PCDHGA4: variants seen among roughly 807,000 people sequenced by gnomAD.
PCDHGA4 encodes protocadherin gamma subfamily A, 4.
In PCDHGA4, 38 loss-of-function variants were observed where a neutral mutation model predicts 54.6. The observed-to-expected ratio is 0.70, with a 90% CI of 0.54 to 0.91. PCDHGA4 has a LOEUF of 0.91. Among genes scored for constraint, PCDHGA4 ranks in the 40% least tolerant of loss-of-function variants. The pLI is 0.00. For missense variants in PCDHGA4, 1,298 were observed against 1,220.9 expected, an observed-to-expected ratio of 1.06 and a Z score of -0.94; for synonymous variants, 511 against 512.9, an observed-to-expected ratio of 1.00 and a Z score of 0.05.
chr5:141,422,809 G>A (rs1169197801), intron 1 of PCDHGA4: 8 of 1,614,232 alleles, frequency 5.0e-6, no homozygotes, highest in Non-Finnish European at 6.8e-6. Context: ...GCAGTTTCGA[G>A]ACTTAGAACT....
At chr5:141,415,688 T>C (rs373105795) in intron 1 of PCDHGA4, 1 of 1,546,006 alleles carries the variant, frequency 6.5e-7, no homozygotes, top group Admixed American at 2.0e-5. Context: ...GGCATGATGG[T>C]GGAAAGTGTA....
At chr5:141,421,206 G>A in intron 1 of PCDHGA4, 1 of 1,531,730 alleles carries the variant, frequency 6.5e-7, no homozygotes, top group Non-Finnish European at 8.8e-7. Context: ...AGAAACCGCG[G>A]AATATCGGCT....
chr5:141,389,045 T>C, intron 1 of PCDHGA4: 3 of 1,613,920 alleles, frequency 1.9e-6, no homozygotes, highest in Non-Finnish European at 2.5e-6. Flanking sequence ...TGGAAGGTGA[T>C]GTTCCATTTA....
At chr5:141,495,419 C>A (rs1434107823) in intron 2 of PCDHGA4, among the ~76,000 whole-genome samples, 1 of 152,228 alleles carries the variant, frequency 6.6e-6, no homozygotes, top group Non-Finnish European at 1.5e-5. Context: ...CCGGCCCCTC[C>A]TCCCACTGTC....
At chr5:141,421,371 T>C in intron 1 of PCDHGA4, 2 of 1,614,028 alleles carry the variant, frequency 1.2e-6, no homozygotes, top group Non-Finnish European at 1.7e-6. Flanking sequence ...TCGTGGGCAA[T>C]ATCTCCAAGG....
At position 141,485,398 on chromosome 5, in the gene PCDHGA4, C is replaced by T. The variant is rs906016330; in HGVS notation, c.2515-9409C>T. The T allele has an allele frequency of 1.3e-5, 21 of 1,614,044 alleles. No individual in the cohort carries two copies. The highest frequency in any genetic ancestry group is 1.8e-5 in the Non-Finnish European group (21 of 1,179,928). On this transcript the variant is annotated intron_variant, in intron 1 of 3. Coordinates refer to ENST00000571252, the MANE Select transcript of PCDHGA4 (RefSeq NM_018917.4). This position sits in a 1 kb window ranked among gnomAD's most constrained non-coding sequence, Gnocchi z 5.7. ...CTGGAGAGGTGAACCAAAGACACTT[C>T]CGTGTGGATTTGGACAGCGGAGCCC...
At position 141,476,043 on chromosome 5, in the gene PCDHGA4, A is replaced by T. The variant is rs2099384502; in HGVS notation, c.2515-18764A>T. 1 of 1,492,156 alleles carries T rather than the reference A, an allele frequency of 6.7e-7. No individual in the cohort carries two copies. Among genetic ancestry groups the T allele is most frequent in the African/African-American group, 1.4e-5 (1 of 71,628 alleles). The allele number at this position is 1,492,156 out of a possible 1,614,324, so 92.4% of individuals were successfully genotyped here. On this transcript the variant is annotated intron_variant, in intron 1 of 3. Coordinates refer to ENST00000571252, the MANE Select transcript of PCDHGA4 (RefSeq NM_018917.4). The surrounding 1 kb of genome is among the most constrained non-coding windows in gnomAD (Gnocchi z 7.6). ...ACTCGGCGCCCAGCGCCCAAGCGCT[A>T]ACCCGCTGAAAGTTTCTCAGCGAAA...
intron 1 of PCDHGA4, among the ~76,000 whole-genome samples, chr5:141,480,874 G>A (rs1487409799): frequency 2.6e-5 from 4 of 151,950 alleles, no homozygotes; most frequent in African/African-American, 7.3e-5. Context: ...GTGAAACCCC[G>A]TCTCTACTAA....
At chr5:141,496,817 T>C (rs2099771666) in intron 2 of PCDHGA4, among the ~76,000 whole-genome samples, 1 of 151,020 alleles carries the variant, frequency 6.6e-6, no homozygotes, top group Non-Finnish European at 1.5e-5. Flanking sequence ...AGTGAACAAG[T>C]AGATGTGATC....
chr5:141,423,325 G>A lies in PCDHGA4; in HGVS notation c.2514+65704G>A, dbSNP rs201044967. ...GCTGTACTTGGTGGTGGCGGTGGCCGCAGTCTCCTGCATCTTCCTGGTCTT... is the reference window on the plus strand; with the variant it reads ...GCTGTACTTGGTGGTGGCGGTGGCCACAGTCTCCTGCATCTTCCTGGTCTT... On this transcript the variant is annotated intron_variant, in intron 1 of 3. Coordinates refer to ENST00000571252, the MANE Select transcript of PCDHGA4 (RefSeq NM_018917.4). 133 of 1,614,016 alleles carry A rather than the reference G, an allele frequency of 8.2e-5. No individual in the cohort carries two copies. Among genetic ancestry groups the A allele is most frequent in the Non-Finnish European group, 4.1e-5 (48 of 1,180,008 alleles).
chr5:141,485,380 G>A lies in PCDHGA4; in HGVS notation c.2515-9427G>A. The A allele has an allele frequency of 1.9e-6, 3 of 1,614,146 alleles. No individual in the cohort carries two copies. The highest frequency in any genetic ancestry group is 2.5e-6 in the Non-Finnish European group (3 of 1,180,032). On this transcript the variant is annotated intron_variant, in intron 1 of 3. Coordinates refer to ENST00000571252, the MANE Select transcript of PCDHGA4 (RefSeq NM_018917.4). This position sits in a 1 kb window ranked among gnomAD's most constrained non-coding sequence, Gnocchi z 5.7. ...CTCGCAGGCTGCAGGTCGCTGGAGA[G>A]GTGAACCAAAGACACTTCCGTGTGG... is the stretch of plus-strand genomic sequence containing the variant.
At chr5:141,418,393 C>A in intron 1 of PCDHGA4, 1 of 1,613,984 alleles carries the variant, frequency 6.2e-7, no homozygotes, top group Non-Finnish European at 8.5e-7. Context: ...ACGAGTATTT[C>A]TCATTGGTGG....
chr5:141,511,713 C>T lies in PCDHGA4; in HGVS notation c.*540C>T. 5.4e-6 allele frequency: 1 copy of T among 186,446 alleles called. No individual in the cohort carries two copies. Among genetic ancestry groups the T allele is most frequent in the Admixed American group, 5.3e-5 (1 of 18,840 alleles). The allele number at this position is 186,446 out of a possible 1,614,324, so 11.5% of individuals were successfully genotyped here. ...TTGGTGCCAGCCCCTTCACCTCCTT[C>T]CAGAGCCCAAGATCAATGCTCAAGT... On this transcript the variant is annotated 3_prime_UTR_variant, in exon 4 of 4. Transcript: ENST00000571252.
chr5:141,498,814 T>G (rs2099785952), intron 2 of PCDHGA4, among the ~76,000 whole-genome samples: 1 of 151,956 alleles, frequency 6.6e-6, no homozygotes. Flanking sequence ...ACACCTGTAG[T>G]CCCAGCTACT....
At chr5:141,399,192 C>T (rs1561668217) in intron 1 of PCDHGA4, 1 of 1,613,846 alleles carries the variant, frequency 6.2e-7, no homozygotes, top group Non-Finnish European at 8.5e-7. Flanking sequence ...TTCTGGAAAA[C>T]GCGGTGCCTG....
intron 1 of PCDHGA4, among the ~76,000 whole-genome samples, chr5:141,462,027 TG>T (rs1239347302): frequency 6.6e-6 from 1 of 152,220 alleles, no homozygotes; most frequent in African/African-American, 2.4e-5. Flanking sequence ...TTCTTCATGT[TG>T]GTCAGGCGGG....
At chr5:141,375,106 T>A (rs1771135818) in intron 1 of PCDHGA4, 2 of 1,613,952 alleles carry the variant, frequency 1.2e-6, no homozygotes, top group East Asian at 4.5e-5. Context: ...TGGATGTCAA[T>A]GATAATGTAC....
At chr5:141,508,242 GC>G (rs1344624071) in intron 3 of PCDHGA4, 1 of 152,310 alleles carries the variant, frequency 6.6e-6, no homozygotes, top group African/African-American at 2.4e-5. Context: ...TCCTAAGTCT[GC>G]CTCTCCTGGG....
intron 1 of PCDHGA4, chr5:141,370,265 A>T: frequency 2.6e-6 from 2 of 758,286 alleles, no homozygotes; most frequent in South Asian, 4.5e-5. Flanking sequence ...GGCTTCCTGC[A>T]GCGGAGACAC....
Sources: gnomAD v4.1 joint callset for allele counts (sites outside exome capture counted in the v4.1 genomes callset) on GRCh38, gnomAD v4.1.1 for gene constraint, Gnocchi (gnomAD v3.1) non-coding constraint, MANE v1.5 for transcripts, NCBI Gene and HGNC (gene_info 2026-07-23, HGNC 2026-07-21) for gene names.